The following TBC1D4 variants were observed in gnomAD, a reference collection of about 807,000 sequenced individuals.
TBC1D4 encodes the protein TBC (Tre-2, BUB2, CDC16) domain-containing protein.
TBC1D4 carries 121 observed loss-of-function variants against 142.5 expected under a neutral mutation model. That is an observed-to-expected ratio of 0.85 (90% CI 0.73 to 0.99). The LOEUF (loss-of-function observed/expected upper bound fraction) is 0.99, where lower values mean the gene tolerates loss of function less well. Among genes scored for constraint, TBC1D4 ranks in the 50% least tolerant of loss-of-function variants. The pLI is 0.00. For missense variants in TBC1D4, 1,475 were observed against 1,606.6 expected, an observed-to-expected ratio of 0.92 and a Z score of 1.40; for synonymous variants, 630 against 628.2, an observed-to-expected ratio of 1.00 and a Z score of -0.04.
chr13:75,291,984 A>C (rs1875356650), intron 19 of TBC1D4, 118 bp downstream of exon 19: 1 of 908,024 alleles, frequency 1.1e-6, no homozygotes, highest in African/African-American at 1.7e-5. Flanking sequence ...CCCCTTTCTA[A>C]ATAAAATGTA....
intron 8 of TBC1D4, among the ~76,000 whole-genome samples, chr13:75,336,199 C>T (rs549016676): frequency 6.7e-6 from 1 of 149,314 alleles, no homozygotes; most frequent in South Asian, 2.1e-4. Flanking sequence ...GAGATCGAGA[C>T]CATCCTGGCT....
At chr13:75,434,237 A>G (rs1186164607) in intron 1 of TBC1D4, among the ~76,000 whole-genome samples, 2 of 152,232 alleles carry the variant, frequency 1.3e-5, no homozygotes, top group African/African-American at 2.4e-5. Flanking sequence ...TATTCACAAT[A>G]GCAAAGACAT....
intron 1 of TBC1D4, among the ~76,000 whole-genome samples, chr13:75,381,391 C>T (rs1381029152): frequency 6.6e-6 from 1 of 152,160 alleles, no homozygotes; most frequent in Non-Finnish European, 1.5e-5. Flanking sequence ...TTTAGGATTT[C>T]TAATTTTAAA....
In TBC1D4 at chr13:75,304,506, C is replaced by T. The variant is rs570189385; in HGVS notation, c.2752+1807G>A. On this transcript the variant is annotated intron_variant, in intron 15 of 20. Coordinates refer to ENST00000377636, the MANE Select transcript of TBC1D4 (RefSeq NM_014832.5). ...GTAAGAAAAACATTAAACAAATACA[C>T]ACATAATTATTAAACTGTAAATTAT... Among the ~76,000 whole-genome samples, 211 of 152,044 alleles carry T rather than the reference C, an allele frequency of 1.4e-3. 1 individual carries two copies. Among genetic ancestry groups the T allele is most frequent in the African/African-American group, 4.8e-3 (198 of 41,438 alleles).
chr13:75,452,444 G>A (rs1177492229), intron 1 of TBC1D4, among the ~76,000 whole-genome samples: 1 of 152,046 alleles, frequency 6.6e-6, no homozygotes, highest in Non-Finnish European at 1.5e-5. Flanking sequence ...TTGTCATATT[G>A]GTTGACAAAG....
rs981405013 is a variant in TBC1D4 at position 75,392,252 on chromosome 13, T to C, written c.499-29645A>G. Among the ~76,000 whole-genome samples the C allele has an allele frequency of 2.6e-5, 4 of 152,180 alleles. No individual in the cohort carries two copies. In the East Asian group the frequency reaches 7.7e-4, roughly 29 times the overall value. On this transcript the variant is annotated intron_variant, in intron 1 of 20. Coordinates refer to ENST00000377636, the MANE Select transcript of TBC1D4 (RefSeq NM_014832.5). Reference sequence around the variant, plus strand: ...AATGCACACAAAATAAATGCAAAAATCACCCTATTTTAAAGTTCAAACAGT... The same window carrying C: ...AATGCACACAAAATAAATGCAAAAACCACCCTATTTTAAAGTTCAAACAGT...
At chr13:75,445,671 T>C (rs1388494152) in intron 1 of TBC1D4, among the ~76,000 whole-genome samples, 2 of 152,200 alleles carry the variant, frequency 1.3e-5, no homozygotes. Context: ...AAAATTCATA[T>C]TGGCAAAGCT....
chr13:75,306,580 G>C lies in TBC1D4; in HGVS notation c.2594-109C>G, dbSNP rs1877210530. The C allele has an allele frequency of 4.6e-6, 6 of 1,306,816 alleles. No homozygotes were observed. In the South Asian group the frequency reaches 5.2e-5, roughly 11 times the overall value. 81.0% of individuals were successfully genotyped at this position (1,306,816 alleles called of 1,614,324 possible). A position where few individuals can be genotyped will look rare whatever the true frequency, so the allele number is the denominator to read the frequency against. ...ACCAAATGACTTTCAGGAATCAACT[G>C]GTAGTGTATCTCAAAAAGAAAATTT... On this transcript the variant is annotated intron_variant, in intron 14 of 20. Transcript: ENST00000377636.
At chr13:75,348,542 T>G (rs1019671118) in intron 5 of TBC1D4, among the ~76,000 whole-genome samples, 2 of 152,186 alleles carry the variant, frequency 1.3e-5, no homozygotes, top group Non-Finnish European at 2.9e-5. Context: ...TCAAGCTTTT[T>G]TGTGTTGTTG....
chr13:75,306,341 C>G lies in TBC1D4; in HGVS notation c.2724G>C (p.Met908Ile). The change falls in exon 15 of 21, where the codon ATG becomes ATC. Residue 908 changes from methionine to isoleucine, a missense_variant. Coordinates refer to ENST00000377636, the MANE Select transcript of TBC1D4 (RefSeq NM_014832.5). ...CTTTAAGAAGAGTATGAATATCTTC[C>G]ATATCACATCTGATTTTAGCTCTGC... The part of the protein sequence containing the change: ...LNCRAKIRCD[M>I]EDIHTLLKEG... 2 of 1,612,148 alleles carry G rather than the reference C, an allele frequency of 1.2e-6. No individual in the cohort carries two copies. The highest frequency in any genetic ancestry group is 1.7e-6 in the Non-Finnish European group (2 of 1,179,640).
At chr13:75,477,100 A>G (rs1888655260) in intron 1 of TBC1D4, among the ~76,000 whole-genome samples, 1 of 152,194 alleles carries the variant, frequency 6.6e-6, no homozygotes, top group African/African-American at 2.4e-5. Context: ...CAAGGAGGAG[A>G]GAGAATAAAA....
Position 75,362,198 on chromosome 13 carries a change from T to C in TBC1D4, c.908A>G (p.Asp303Gly). 6.2e-7 allele frequency: 1 copy of C among 1,613,608 alleles called. No individual in the cohort carries two copies. The highest frequency in any genetic ancestry group is 2.2e-5 in the East Asian group (1 of 44,842). ...RVCFPERILEDSGFDEQQEFR... is the reference protein window; with the variant it reads ...RVCFPERILEGSGFDEQQEFR... ...CTCCTGCTGCTCATCAAAGCCAGAATCTTCCAAAATCCGCTCAGGGAAGCA... is the reference window on the plus strand; with the variant it reads ...CTCCTGCTGCTCATCAAAGCCAGAACCTTCCAAAATCCGCTCAGGGAAGCA... The change falls in exon 2 of 21, where the codon GAT (aspartate) becomes GGT (glycine). Residue 303 changes from aspartate to glycine, a missense_variant. Around this residue, in one of 2 missense-constraint regions of TBC1D4, gnomAD observed 1,227 missense variants for 1,267.7 expected, o/e 0.97. Transcript: ENST00000377636. The surrounding 1 kb of genome is among the most constrained non-coding windows in gnomAD (Gnocchi z 4.2).
intron 1 of TBC1D4, among the ~76,000 whole-genome samples, chr13:75,469,586 C>T (rs1378931738): frequency 3.9e-5 from 6 of 152,250 alleles, no homozygotes; most frequent in South Asian, 4.1e-4. Context: ...GCCTGGGAAA[C>T]ATAGCCAAAC....
At chr13:75,410,474 A>AG (rs1885592767) in intron 1 of TBC1D4, among the ~76,000 whole-genome samples, 1 of 152,238 alleles carries the variant, frequency 6.6e-6, no homozygotes, top group African/African-American at 2.4e-5. Context: ...ACTAGAGGTC[A>AG]AACTATAAAT....
intron 1 of TBC1D4, among the ~76,000 whole-genome samples, chr13:75,419,534 T>TA (rs1334887142): frequency 6.6e-6 from 1 of 152,164 alleles, no homozygotes; most frequent in Non-Finnish European, 1.5e-5. Flanking sequence ...AAAATCATGT[T>TA]AAAGGGGGAT....
chr13:75,464,474 T>C (rs1328694313), intron 1 of TBC1D4, among the ~76,000 whole-genome samples: 1 of 152,230 alleles, frequency 6.6e-6, no homozygotes, highest in Admixed American at 6.5e-5. Flanking sequence ...TTTCCTGTTT[T>C]AGTTAATCTG....
chr13:75,351,378 G>T (rs937777873), intron 4 of TBC1D4, among the ~76,000 whole-genome samples: 2 of 150,744 alleles, frequency 1.3e-5, no homozygotes, highest in East Asian at 2.0e-4. Context: ...CTATTTTTTT[G>T]GGGGGGTATA....
intron 12 of TBC1D4, among the ~76,000 whole-genome samples, chr13:75,317,363 C>A (rs1878403340): frequency 6.6e-6 from 1 of 152,134 alleles, no homozygotes; most frequent in African/African-American, 2.4e-5. Flanking sequence ...AATTTTATAT[C>A]AACAGAGAAA....
chr13:75,302,303 A>G lies in TBC1D4; in HGVS notation c.2851T>C (p.Ser951Pro), dbSNP rs374094872. The G allele has an allele frequency of 3.7e-6, 6 of 1,614,076 alleles. No individual in the cohort carries two copies. In the African/African-American group the frequency reaches 6.7e-5, roughly 18 times the overall value. Residue 951 changes from serine to proline, a missense_variant, in exon 16 of 21, where the codon TCC (serine) becomes CCC (proline). Ser to Pro is a moderately conservative substitution (Grantham distance 74, BLOSUM62 -1). Transcript: ENST00000377636. ...LPNKQQPPDI[S>P]YKELLKQLTA... ...AGCTGCTTCAAAAGTTCCTTATAGG[A>G]TATGTCAGGAGGCTGTTGTTTATTA...
Sources: allele counts gnomAD v4.1 joint callset (sites outside exome capture counted in the v4.1 genomes callset), GRCh38; gene constraint gnomAD v4.1.1; regional missense constraint gnomAD v4.1.1; non-coding constraint Gnocchi (gnomAD v3.1); transcripts MANE v1.5; gene names NCBI Gene and HGNC (gene_info 2026-07-23, HGNC 2026-07-21).